Variants in HIVEP2 observed in about 807,000 individuals in gnomAD.
HIVEP2 encodes HIVEP zinc finger 2.
In HIVEP2, 14 loss-of-function variants were observed where a neutral mutation model predicts 180.7. The observed-to-expected ratio is 0.08, with a 90% CI of 0.05 to 0.12. The LOEUF is 0.12. Among genes scored for constraint, HIVEP2 ranks in the 10% least tolerant of loss-of-function variants. The pLI, the probability that HIVEP2 is intolerant of heterozygous loss-of-function variation, is 1.00. For synonymous variants in HIVEP2, 1,184 were observed against 1,136.4 expected (o/e 1.04, Z -0.84); for missense variants, 2,579 against 3,008.5 (o/e 0.86, Z 3.34).
intron 1 of HIVEP2, among the ~76,000 whole-genome samples, chr6:142,856,069 A>T (rs1775811640): frequency 1.3e-5 from 2 of 152,140 alleles, no homozygotes; most frequent in South Asian, 4.1e-4. Flanking sequence ...AAAAGCTGGC[A>T]CTTTATAAAA....
intron 1 of HIVEP2, among the ~76,000 whole-genome samples, chr6:142,908,331 A>G (rs1225665545): frequency 6.6e-6 from 1 of 152,030 alleles, no homozygotes. Flanking sequence ...CAAGGTCCAC[A>G]TTTTCCAGAA....
chr6:142,870,742 A>G (rs1776271470), intron 1 of HIVEP2, among the ~76,000 whole-genome samples: 1 of 152,154 alleles, frequency 6.6e-6, no homozygotes, highest in Non-Finnish European at 1.5e-5. Flanking sequence ...GAAGCACAAA[A>G]AGATTTAAAA....
chr6:142,753,774 G>T lies in HIVEP2; in HGVS notation c.6674C>A (p.Pro2225His). The T allele has an allele frequency of 6.2e-7, 1 of 1,614,210 alleles. No individual in the cohort carries two copies. The highest frequency in any genetic ancestry group is 8.5e-7 in the Non-Finnish European group (1 of 1,180,032). The change falls in exon 10 of 10, where the codon CCT becomes CAT. Residue 2225 changes from proline to histidine, a missense_variant. By Grantham distance (77) the Pro-to-His change is moderately conservative. Around this residue, in one of 11 missense-constraint regions of HIVEP2, gnomAD observed 660 missense variants for 731.7 expected, o/e 0.90. Coordinates refer to ENST00000367603, the MANE Select transcript of HIVEP2 (RefSeq NM_006734.4). ...PLHSQQQVRAPIPMVPVGGIQ... is the reference protein window; with the variant it reads ...PLHSQQQVRAHIPMVPVGGIQ... The stretch of plus-strand genomic sequence containing the variant: ...CCCACCAACGGGCACCATGGGGATA[G>T]GGGCTCGCACTTGTTGCTGAGAGTG...
At chr6:142,928,458 A>G (rs1360421718) in intron 1 of HIVEP2, among the ~76,000 whole-genome samples, 2 of 152,176 alleles carry the variant, frequency 1.3e-5, no homozygotes, top group East Asian at 3.8e-4. Context: ...AAATTTTTTT[A>G]TATGGTAAAG....
At chr6:142,832,198 A>T (rs1161579713) in intron 2 of HIVEP2, among the ~76,000 whole-genome samples, 4 of 151,746 alleles carry the variant, frequency 2.6e-5, no homozygotes, top group Non-Finnish European at 5.9e-5. Context: ...GTCTCAAAAA[A>T]AAAAAAAACA....
At chr6:142,846,037 G>A (rs1775507978) in intron 1 of HIVEP2, among the ~76,000 whole-genome samples, 2 of 152,202 alleles carry the variant, frequency 1.3e-5, no homozygotes, top group South Asian at 2.1e-4. Flanking sequence ...CAGTGTGAGC[G>A]AAGTCCAGGC....
chr6:142,944,490 A>G (rs933921113), intron 1 of HIVEP2, among the ~76,000 whole-genome samples: 2 of 151,662 alleles, frequency 1.3e-5, no homozygotes, highest in African/African-American at 4.9e-5. Context: ...CCCTACCAGT[A>G]CCAGAGGCAC....
intron 2 of HIVEP2, among the ~76,000 whole-genome samples, chr6:142,806,585 A>G (rs1218534290): frequency 6.6e-6 from 1 of 152,144 alleles, no homozygotes; most frequent in African/African-American, 2.4e-5. Context: ...TTCCTCATCA[A>G]AGAAATATTT....
chr6:142,874,969 C>T (rs554589319), intron 1 of HIVEP2, among the ~76,000 whole-genome samples: 1 of 152,236 alleles, frequency 6.6e-6, no homozygotes, highest in African/African-American at 2.4e-5. Context: ...CACTGAGATG[C>T]AGAGGTGAAT....
chr6:142,756,613 G>C (rs1324062866), intron 9 of HIVEP2, among the ~76,000 whole-genome samples: 3 of 151,788 alleles, frequency 2.0e-5, no homozygotes, highest in Admixed American at 1.3e-4. Context: ...TGAGGGCCTG[G>C]ACACACCTTT....
At chr6:142,915,408 T>C (rs926397030) in intron 1 of HIVEP2, among the ~76,000 whole-genome samples, 2 of 152,158 alleles carry the variant, frequency 1.3e-5, no homozygotes, top group African/African-American at 4.8e-5. Context: ...TTGCAAACCA[T>C]GGCCAGAGGC....
intron 1 of HIVEP2, among the ~76,000 whole-genome samples, chr6:142,938,468 T>C (rs1176265406): frequency 6.6e-6 from 1 of 152,234 alleles, no homozygotes; most frequent in East Asian, 1.9e-4. Context: ...TTTCCTATAA[T>C]CTTCTTTATA....
At chr6:142,805,381 C>T (rs1449742041) in intron 2 of HIVEP2, among the ~76,000 whole-genome samples, 1 of 143,820 alleles carries the variant, frequency 7.0e-6, no homozygotes, top group Non-Finnish European at 1.5e-5. Flanking sequence ...CCCAGCCAGC[C>T]TCAGAGAGTA....
In HIVEP2 at chr6:142,923,060, G is replaced by A. The variant is rs566308974; in HGVS notation, c.-641+22039C>T. 2.1e-4 allele frequency among the ~76,000 whole-genome samples: 32 copies of A among 152,234 alleles called. No individual in the cohort carries two copies. The East Asian group carries it at 3.1e-3, about 15-fold the overall frequency. Reference sequence around the variant, plus strand: ...TCATAGTTAAATATTTAGGCCAGGCGCGGTGGCTCATGCCTGGTAATCCCA... The same window carrying A: ...TCATAGTTAAATATTTAGGCCAGGCACGGTGGCTCATGCCTGGTAATCCCA... On this transcript the variant is annotated intron_variant, in intron 1 of 9. Coordinates refer to ENST00000367603, the MANE Select transcript of HIVEP2 (RefSeq NM_006734.4).
intron 2 of HIVEP2, among the ~76,000 whole-genome samples, chr6:142,826,357 A>G (rs957259974): frequency 1.3e-5 from 2 of 152,208 alleles, no homozygotes; most frequent in African/African-American, 4.8e-5. Context: ...AGATTGGCTT[A>G]GGTCTCCCCA....
intron 1 of HIVEP2, among the ~76,000 whole-genome samples, chr6:142,866,386 A>G (rs549838673): frequency 2.0e-5 from 3 of 152,210 alleles, no homozygotes; most frequent in African/African-American, 7.2e-5. Flanking sequence ...ATTGATGCTC[A>G]ATAATACTTG....
chr6:142,920,542 T>G (rs936817565), intron 1 of HIVEP2, among the ~76,000 whole-genome samples: 3 of 152,168 alleles, frequency 2.0e-5, no homozygotes, highest in African/African-American at 7.2e-5. Flanking sequence ...CCTGAATACA[T>G]CCTGTGCTTC....
At chr6:142,931,483 G>A (rs1418143879) in intron 1 of HIVEP2, among the ~76,000 whole-genome samples, 1 of 152,024 alleles carries the variant, frequency 6.6e-6, no homozygotes, top group Non-Finnish European at 1.5e-5. Flanking sequence ...CCAAAAAGTA[G>A]GAGGTAGAAA....
At chr6:142,809,774 T>C (rs1776643927) in intron 2 of HIVEP2, among the ~76,000 whole-genome samples, 2 of 152,124 alleles carry the variant, frequency 1.3e-5, no homozygotes, top group African/African-American at 4.8e-5. Context: ...TTTGTATTTT[T>C]AGTAGAGACG....
Sources: gnomAD v4.1 joint callset for allele counts (sites outside exome capture counted in the v4.1 genomes callset) on GRCh38, gnomAD v4.1.1 for gene constraint, gnomAD v4.1.1 regional missense constraint, MANE v1.5 for transcripts, NCBI Gene and HGNC (gene_info 2026-07-23, HGNC 2026-07-21) for gene names.